The following NPAS3 variants were observed in gnomAD, a reference collection of about 807,000 sequenced individuals.
NPAS3 encodes the protein neuronal PAS domain protein 3, also known as neuronal PAS domain-containing protein 3.
Under a neutral mutation model 73.1 loss-of-function variants are expected in NPAS3, and 14 were observed. That is an observed-to-expected ratio of 0.19 (90% CI 0.13 to 0.30). NPAS3 has a LOEUF of 0.30. NPAS3 is among the 10% of genes least tolerant of loss of function. NPAS3 has a pLI of 1.00. For synonymous variants in NPAS3, 620 were observed against 541.5 expected (o/e 1.14, Z -2.01); for missense variants, 1,096 against 1,250.0 (o/e 0.88, Z 1.86).
At chr14:32,998,416 T>C (rs983940089) in intron 1 of NPAS3, among the ~76,000 whole-genome samples, 1 of 152,232 alleles carries the variant, frequency 6.6e-6, no homozygotes, top group Non-Finnish European at 1.5e-5. Context: ...ATGGGGTTTT[T>C]TTTTGGGGTG....
intron 3 of NPAS3, among the ~76,000 whole-genome samples, chr14:33,245,938 T>A (rs1315615620): frequency 1.4e-5 from 2 of 141,776 alleles, no homozygotes; most frequent in African/African-American, 2.6e-5. Context: ...TTTTTTTTTT[T>A]AGCTGGCTCA....
At chr14:33,545,657 C>G (rs2139666531) in intron 4 of NPAS3, among the ~76,000 whole-genome samples, 1 of 152,176 alleles carries the variant, frequency 6.6e-6, no homozygotes, top group East Asian at 1.9e-4. Context: ...GCCACATAGG[C>G]TCTTTAGCAT....
chr14:33,624,528 T>C (rs372759538), intron 5 of NPAS3, among the ~76,000 whole-genome samples: 3 of 152,106 alleles, frequency 2.0e-5, no homozygotes, highest in African/African-American at 4.8e-5. Flanking sequence ...AGAGAACCAC[T>C]GGTTTAGAAT....
At chr14:33,395,407 T>G (rs1042922870) in intron 4 of NPAS3, among the ~76,000 whole-genome samples, 1 of 52,598 alleles carries the variant, frequency 1.9e-5, no homozygotes, top group Non-Finnish European at 3.2e-5. Flanking sequence ...ATAGTTCAAG[T>G]TTTTTTTTTA....
chr14:33,610,887 C>T (rs909240627), intron 5 of NPAS3: 4 of 152,098 alleles, frequency 2.6e-5, no homozygotes, highest in Non-Finnish European at 5.9e-5. Context: ...AAAACTTTGC[C>T]CGAGAATTTA....
exon 12 of NPAS3, chr14:33,799,906 G>A (rs773057384): frequency 3.1e-6 from 5 of 1,614,098 alleles, no homozygotes; most frequent in African/African-American, 1.3e-5. Context: ...ACAGCTTCGA[G>A]CACTCGGACT....
intron 6 of NPAS3, among the ~76,000 whole-genome samples, chr14:33,685,520 G>GAAAT (rs1326261973): frequency 6.6e-6 from 1 of 152,190 alleles, no homozygotes; most frequent in Non-Finnish European, 1.5e-5. Flanking sequence ...TAGGTTCACA[G>GAAAT]AAATACTAGT....
intron 5 of NPAS3, among the ~76,000 whole-genome samples, chr14:33,665,021 G>T (rs899243731): frequency 6.6e-6 from 1 of 152,212 alleles, no homozygotes; most frequent in Admixed American, 6.5e-5. Flanking sequence ...ATACCCAGAG[G>T]ATTATAAATC....
intron 4 of NPAS3, among the ~76,000 whole-genome samples, chr14:33,536,875 A>G (rs1183807959): frequency 2.6e-5 from 4 of 152,204 alleles, no homozygotes; most frequent in Non-Finnish European, 5.9e-5. Context: ...CAAATACCTT[A>G]GTCAAATTTT....
intron 5 of NPAS3, among the ~76,000 whole-genome samples, chr14:33,588,735 T>G: frequency 6.6e-6 from 1 of 152,154 alleles, no homozygotes; most frequent in East Asian, 1.9e-4. Context: ...TGCCTCAGCC[T>G]CCCAAGTAGC....
At chr14:33,177,071 T>TTA (rs2045614827) in intron 2 of NPAS3, among the ~76,000 whole-genome samples, 2,766 of 138,300 alleles carry the variant, frequency 0.02, 41 homozygotes, top group African/African-American at 0.032. Flanking sequence ...TGTTTATCTT[T>TTA]TTATTATTAT....
At chr14:33,362,800 A>G (rs2045666482) in intron 3 of NPAS3, among the ~76,000 whole-genome samples, 1 of 152,120 alleles carries the variant, frequency 6.6e-6, no homozygotes, top group Non-Finnish European at 1.5e-5. Context: ...AGGATAAGGA[A>G]GTACCTCTGA....
At chr14:33,558,138 A>T (rs755269520) in intron 4 of NPAS3, among the ~76,000 whole-genome samples, 10 of 152,232 alleles carry the variant, frequency 6.6e-5, no homozygotes, top group Admixed American at 1.3e-4. Context: ...TCTGCTCTTT[A>T]GTGGAACAAT....
At chr14:33,790,024 T>C (rs1416197832) in intron 9 of NPAS3, among the ~76,000 whole-genome samples, 1 of 152,230 alleles carries the variant, frequency 6.6e-6, no homozygotes, top group African/African-American at 2.4e-5. Context: ...AAAGAAAAGA[T>C]GCCAGGTTAC....
intron 1 of NPAS3, among the ~76,000 whole-genome samples, chr14:33,024,959 A>G (rs1470369121): frequency 2.6e-5 from 4 of 152,238 alleles, no homozygotes; most frequent in African/African-American, 7.2e-5. Context: ...ATTAAAATAC[A>G]TCCTATAGCT....
chr14:33,397,449 C>G (rs181390231), intron 4 of NPAS3, among the ~76,000 whole-genome samples: 335 of 152,070 alleles, frequency 2.2e-3, no homozygotes, highest in Non-Finnish European at 3.0e-3. Flanking sequence ...AGCTGGAGTT[C>G]TAGTTTAATT....
chr14:33,477,638 T>G (rs1312475572), intron 4 of NPAS3, among the ~76,000 whole-genome samples: 1 of 152,196 alleles, frequency 6.6e-6, no homozygotes, highest in Non-Finnish European at 1.5e-5. Context: ...CTGCTAGTTC[T>G]GATTAAACAC....
intron 7 of NPAS3, among the ~76,000 whole-genome samples, chr14:33,761,565 T>G (rs2062292718): frequency 6.6e-6 from 1 of 151,848 alleles, no homozygotes; most frequent in Admixed American, 6.6e-5. Context: ...AGGAGAAATC[T>G]TACTTAGCAC....
chr14:33,187,922 A>G (rs532296254), intron 2 of NPAS3, among the ~76,000 whole-genome samples: 2 of 152,334 alleles, frequency 1.3e-5, no homozygotes, highest in African/African-American at 4.8e-5. Context: ...CATCTCTGAA[A>G]TTAGGATGCC....
Sources: allele counts gnomAD v4.1 joint callset (sites outside exome capture counted in the v4.1 genomes callset), GRCh38; gene constraint gnomAD v4.1.1; transcripts MANE v1.5; gene names NCBI Gene and HGNC (gene_info 2026-07-23, HGNC 2026-07-21).